Variants in RASL11B observed in about 807,000 individuals in gnomAD.
The protein encoded by RASL11B is ras-like protein family member 11B.
Under a neutral mutation model 22.9 loss-of-function variants are expected in RASL11B, and 14 were observed. That is an observed-to-expected ratio of 0.61 (90% CI 0.40 to 0.96). The LOEUF is 0.96. Ranked by LOEUF, RASL11B falls within the 40% of genes least tolerant of loss-of-function variation. The pLI, the probability that RASL11B is intolerant of heterozygous loss-of-function variation, is 0.00. For missense variants in RASL11B, 261 were observed against 322.0 expected (o/e 0.81, Z 1.45); for synonymous variants, 143 against 130.2 (o/e 1.10, Z -0.67).
chr4:52,865,071 G>A (rs1718231924), intron 3 of RASL11B, among the ~76,000 whole-genome samples: 1 of 152,078 alleles, frequency 6.6e-6, no homozygotes, highest in South Asian at 2.1e-4. Flanking sequence ...TTCCCATTTT[G>A]TGCAACTACA....
chr4:52,864,102 ATTATAT>A (rs1254861151), intron 2 of RASL11B: 3 of 171,674 alleles, frequency 1.7e-5, no homozygotes, highest in African/African-American at 7.2e-5. Context: ...CTAGCAAGCC[ATTATAT>A]CTAACGGCCA....
In RASL11B at chr4:52,866,101, C is replaced by G. The variant is rs1308714135; in HGVS notation, c.*296C>G. 1 of 407,260 alleles carries G rather than the reference C, an allele frequency of 2.5e-6. No individual in the cohort carries two copies. The highest frequency in any genetic ancestry group is 4.4e-6 in the Non-Finnish European group (1 of 225,240). 25.2% of individuals were successfully genotyped at this position (407,260 alleles called of 1,614,324 possible). On this transcript the variant is annotated 3_prime_UTR_variant, in exon 4 of 4. Coordinates refer to ENST00000248706, the MANE Select transcript of RASL11B (RefSeq NM_023940.3). ...TAATCGTTTCGGTTTCTGCATTCAA[C>G]TACCTTGTAAATGGTGGTCCGTTGC...
intron 3 of RASL11B, 118 bp downstream of exon 3, chr4:52,864,672 CT>C (rs1718225715): frequency 1.3e-6 from 1 of 744,226 alleles, no homozygotes; most frequent in African/African-American, 1.7e-5. Flanking sequence ...CACATCTAGA[CT>C]TTTACATGTC....
Position 52,865,455 on chromosome 4 carries a change from C to T in RASL11B, c.397C>T (p.His133Tyr), listed in dbSNP as rs1718238866. 6.2e-7 allele frequency: 1 copy of T among 1,614,204 alleles called. No individual in the cohort carries two copies. Among genetic ancestry groups the T allele is most frequent in the Non-Finnish European group, 8.5e-7 (1 of 1,180,036 alleles). ...GAGCTATGAACTCATCAGCCAGCTCCACCAGCACGTGCAGCAGCTACACCT... is the reference window on the plus strand; with the variant it reads ...GAGCTATGAACTCATCAGCCAGCTCTACCAGCACGTGCAGCAGCTACACCT... Reference protein sequence around the residue: ...YKSYELISQLHQHVQQLHLGT... With the variant: ...YKSYELISQLYQHVQQLHLGT... The change falls in exon 4 of 4, where the codon CAC (histidine) becomes TAC (tyrosine). Residue 133 changes from histidine to tyrosine, a missense_variant. Physicochemically the swap from His to Tyr is moderately conservative, Grantham distance 83 (BLOSUM62 2). Coordinates refer to ENST00000248706, the MANE Select transcript of RASL11B (RefSeq NM_023940.3).
rs11538878 is a variant in RASL11B, at chr4:52,862,357, T to C, written c.-151T>C. On this transcript the variant is annotated 5_prime_UTR_variant, in exon 1 of 4. Coordinates refer to ENST00000248706, the MANE Select transcript of RASL11B (RefSeq NM_023940.3). The stretch of plus-strand genomic sequence containing the variant: ...CCTGAGCCCTGCGGAACCTCGGCGC[T>C]CGGCCCCACCCCGCCCGTACCTGCA... 58,217 of 539,980 alleles carry C rather than the reference T, an allele frequency of 0.11. 8,522 individuals are homozygous for C. Among genetic ancestry groups the C allele is most frequent in the African/African-American group, 0.39 (17,674 of 45,218 alleles). The allele number at this position is 539,980 out of a possible 1,614,324, so 33.4% of individuals were successfully genotyped here. A position where few individuals can be genotyped will look rare whatever the true frequency, so the allele number is the denominator to read the frequency against.
In RASL11B at chr4:52,865,383, C is replaced by T. The variant is rs750534846; in HGVS notation, c.325C>T (p.Arg109Cys). ...SCSEQLNRCI[R>C]WADAVVIVFS... ...CAGTGAACAGCTGAATAGGTGCATT[C>T]GCTGGGCAGATGCTGTGGTGATCGT... Residue 109 changes from arginine to cysteine, a missense_variant, in exon 4 of 4, where the codon CGC (arginine) becomes TGC (cysteine). Transcript: ENST00000248706. The T allele has an allele frequency of 9.3e-6, 15 of 1,613,992 alleles. No homozygotes were observed. Among genetic ancestry groups the T allele is most frequent in the African/African-American group, 2.7e-5 (2 of 74,918 alleles).
rs951745947 is a variant in RASL11B at position 52,866,049 on chromosome 4, C to G, written c.*244C>G. On this transcript the variant is annotated 3_prime_UTR_variant, in exon 4 of 4. Coordinates refer to ENST00000248706, the MANE Select transcript of RASL11B (RefSeq NM_023940.3). ...TGAATATGTGAAATGTACTCTGTGT[C>G]TTTTCCTTTAGAGTGGGGAGGGGGC... 1.9e-6 allele frequency: 1 copy of G among 530,812 alleles called. No individual in the cohort carries two copies. The highest frequency in any genetic ancestry group is 3.4e-6 in the Non-Finnish European group (1 of 297,798). The allele number at this position is 530,812 out of a possible 1,614,324, so 32.9% of individuals were successfully genotyped here.
In RASL11B at chr4:52,862,363, C is replaced by A; in HGVS notation, c.-145C>A. 1 of 691,416 alleles carries A rather than the reference C, an allele frequency of 1.4e-6. No individual in the cohort carries two copies. Among genetic ancestry groups the A allele is most frequent in the Non-Finnish European group, 2.2e-6 (1 of 456,510 alleles). 42.8% of individuals were successfully genotyped at this position (691,416 alleles called of 1,614,324 possible). On this transcript the variant is annotated 5_prime_UTR_variant, in exon 1 of 4. Transcript: ENST00000248706. ...CCCTGCGGAACCTCGGCGCTCGGCC[C>A]CACCCCGCCCGTACCTGCACTTATT...
Position 52,865,699 on chromosome 4 carries a change from G to C in RASL11B, c.641G>C (p.Arg214Pro). Residue 214 changes from arginine (R) to proline (P), a missense_variant, in exon 4 of 4, where the codon CGA becomes CCA. Arg to Pro is a moderately radical substitution (Grantham distance 103). Coordinates refer to ENST00000248706, the MANE Select transcript of RASL11B (RefSeq NM_023940.3). ...CAGCCTAGCAGTACACCCGAGAAGC[G>C]AAGAACCTCCCTCATTCCCAGGCCC... is the stretch of plus-strand genomic sequence containing the variant. ...KQQPSSTPEK[R>P]RTSLIPRPKS... 6.2e-7 allele frequency: 1 copy of C among 1,614,096 alleles called. No homozygotes were observed. Among genetic ancestry groups the C allele is most frequent in the Non-Finnish European group, 8.5e-7 (1 of 1,180,016 alleles).
rs769031184 is a variant in RASL11B, at chr4:52,865,850, G to GC, written c.*47dup. ...GGGGTTTGGTCTTCCCAGGAAGAGG[G>GC]CCTGAGGTTCTCCTAGTGCAGGAAC... On this transcript the variant is annotated 3_prime_UTR_variant, in exon 4 of 4. Transcript: ENST00000248706. 2.7e-5 allele frequency: 39 copies of GC among 1,437,234 alleles called. No homozygotes were observed. The highest frequency in any genetic ancestry group is 3.3e-5 in the Non-Finnish European group (34 of 1,032,812). 89.0% of individuals were successfully genotyped at this position (1,437,234 alleles called of 1,614,324 possible).
chr4:52,864,683 C>CT (rs1718226049), intron 3 of RASL11B, 129 bp downstream of exon 3: 2 of 720,144 alleles, frequency 2.8e-6, no homozygotes, highest in Admixed American at 4.2e-5. Context: ...TTTTACATGT[C>CT]TGACAATTCA....
Position 52,864,517 on chromosome 4 carries a change from C to T in RASL11B, c.239C>T (p.Thr80Ile). ...AGACAAGTTCAGATAGAAGGTGAAACCCTGGCTCTTCAGGTTCAAGACACT... is the reference window on the plus strand; with the variant it reads ...AGACAAGTTCAGATAGAAGGTGAAATCCTGGCTCTTCAGGTTCAAGACACT... Reference protein sequence around the residue: ...YTRQVQIEGETLALQVQDTPG... With the variant: ...YTRQVQIEGEILALQVQDTPG... The change falls in exon 3 of 4, where the codon ACC (threonine) becomes ATC (isoleucine). Residue 80 changes from threonine (T) to isoleucine (I), a missense_variant. Coordinates refer to ENST00000248706, the MANE Select transcript of RASL11B (RefSeq NM_023940.3). The T allele has an allele frequency of 1.9e-6, 3 of 1,611,358 alleles. No individual in the cohort carries two copies. Among genetic ancestry groups the T allele is most frequent in the Non-Finnish European group, 2.5e-6 (3 of 1,177,444 alleles).
intron 3 of RASL11B, 111 bp downstream of exon 3, chr4:52,864,665 ATC>A (rs1718225598): frequency 1.3e-6 from 1 of 768,496 alleles, no homozygotes; most frequent in East Asian, 2.5e-5. Context: ...GGGGAGTCAC[ATC>A]TAGACTTTTA....
chr4:52,863,767 C>T (rs1718206763), intron 2 of RASL11B, among the ~76,000 whole-genome samples: 1 of 152,054 alleles, frequency 6.6e-6, no homozygotes, highest in Non-Finnish European at 1.5e-5. Flanking sequence ...ACCTAAAGTT[C>T]CTCCTTCTTA....
Position 52,862,598 on chromosome 4 carries a change from C to T in RASL11B, c.91C>T (p.Arg31Cys). 1 of 1,599,088 alleles carries T rather than the reference C, an allele frequency of 6.3e-7. No individual in the cohort carries two copies. Among genetic ancestry groups the T allele is most frequent in the Non-Finnish European group, 8.5e-7 (1 of 1,176,322 alleles). Reference sequence around the variant, plus strand: ...CGACTGCTGTGTGGGCGCCGCCGGCCGCCGCCTGGTCAAGATCGCCGTGGT... The same window carrying T: ...CGACTGCTGTGTGGGCGCCGCCGGCTGCCGCCTGGTCAAGATCGCCGTGGT... ...ASDCCVGAAG[R>C]RLVKIAVVGA... The change falls in exon 1 of 4, where the codon CGC (arginine) becomes TGC (cysteine). Residue 31 changes from arginine (R) to cysteine (C), a missense_variant. Transcript: ENST00000248706.
At chr4:52,863,445 A>G (rs1718199961) in intron 2 of RASL11B, 121 bp downstream of exon 2, 2 of 803,016 alleles carry the variant, frequency 2.5e-6, no homozygotes, top group Admixed American at 2.0e-5. Flanking sequence ...CCCGCCACTT[A>G]AAACTTTCCC....
intron 1 of RASL11B, 133 bp downstream of exon 1, chr4:52,862,782 C>G: frequency 2.7e-6 from 3 of 1,093,468 alleles, no homozygotes; most frequent in Non-Finnish European, 3.8e-6. Context: ...GCCGCTGCCC[C>G]TTGGGAGTGG....
Position 52,862,529 on chromosome 4 carries a change from T to G in RASL11B, c.22T>G (p.Cys8Gly), listed in dbSNP as rs767455581. 1 of 1,606,860 alleles carries G rather than the reference T, an allele frequency of 6.2e-7. No individual in the cohort carries two copies. Residue 8 changes from cysteine (C) to glycine (G), a missense_variant, in exon 1 of 4, where the codon TGC (cysteine) becomes GGC (glycine). Cys to Gly is a radical substitution (Grantham distance 159). Coordinates refer to ENST00000248706, the MANE Select transcript of RASL11B (RefSeq NM_023940.3). ...GGCGATGCGCCTCATTCAGAACATG[T>G]GCACCATCGCCGAGTACCCCGCGCC... MRLIQNM[C>G]TIAEYPAPGN...
At chr4:52,864,736 G>C (rs1355062744) in intron 3 of RASL11B, among the ~76,000 whole-genome samples, 182 bp downstream of exon 3, 1 of 152,184 alleles carries the variant, frequency 6.6e-6, no homozygotes, top group Non-Finnish European at 1.5e-5. Context: ...GTTTAGTTTG[G>C]GAGATTTGGC....
Sources: gnomAD v4.1 joint callset for allele counts (sites outside exome capture counted in the v4.1 genomes callset) on GRCh38, gnomAD v4.1.1 for gene constraint, MANE v1.5 for transcripts, NCBI Gene and HGNC (gene_info 2026-07-23, HGNC 2026-07-21) for gene names.